The following CANT1 variants were observed in gnomAD, a reference collection of about 807,000 sequenced individuals.
CANT1 encodes soluble calcium-activated nucleotidase 1.
CANT1 carries 26 observed loss-of-function variants against 30.0 expected under a neutral mutation model. The ratio of observed to expected loss-of-function variants is 0.87; its 90% CI spans 0.64 to 1.20. CANT1 has a LOEUF of 1.20. CANT1 is among the 50% of genes most tolerant of loss of function. The pLI, the probability that CANT1 is intolerant of heterozygous loss-of-function variation, is 0.00. For synonymous variants in CANT1, 246 were observed against 251.8 expected, an observed-to-expected ratio of 0.98 and a Z score of 0.22; for missense variants, 518 against 563.0, an observed-to-expected ratio of 0.92 and a Z score of 0.81.
chr17:78,993,950 C>A lies in CANT1; in HGVS notation c.836-30G>T, dbSNP rs578136485. Reference sequence around the variant, plus strand: ...GAACCGGGTGACCGCGGGTCAGACACGCATGCGGCCTGGTGTGCCCAGCCC... The same window carrying A: ...GAACCGGGTGACCGCGGGTCAGACAAGCATGCGGCCTGGTGTGCCCAGCCC... On this transcript the variant is annotated intron_variant, in intron 4 of 4. Transcript: ENST00000392446. The surrounding 1 kb of genome is among the most constrained non-coding windows in gnomAD (Gnocchi z 4.5). 1 of 1,545,440 alleles carries A rather than the reference C, an allele frequency of 6.5e-7. No individual in the cohort carries two copies. The highest frequency in any genetic ancestry group is 1.2e-5 in the South Asian group (1 of 84,568).
chr17:78,994,227 A>G (rs1247493503), intron 4 of CANT1, among the ~76,000 whole-genome samples: 2 of 151,980 alleles, frequency 1.3e-5, no homozygotes, highest in Non-Finnish European at 2.9e-5. Context: ...GAACCCAAGG[A>G]AAGGGAACAA....
At chr17:79,003,017 G>A (rs1213137038) in intron 1 of CANT1, among the ~76,000 whole-genome samples, 1 of 152,190 alleles carries the variant, frequency 6.6e-6, no homozygotes, top group Non-Finnish European at 1.5e-5. Flanking sequence ...CCCCTCTGGG[G>A]AATCAGTGTG....
chr17:78,995,655 C>A lies in CANT1; in HGVS notation c.632-434G>T, dbSNP rs1362182257. 1.3e-5 allele frequency among the ~76,000 whole-genome samples: 2 copies of A among 152,214 alleles called. No homozygotes were observed. The highest frequency in any genetic ancestry group is 2.9e-5 in the Non-Finnish European group (2 of 68,040). On this transcript the variant is annotated intron_variant, in intron 3 of 4. Transcript: ENST00000392446. This position sits in a 1 kb window ranked among gnomAD's most constrained non-coding sequence, Gnocchi z 5.7. The stretch of plus-strand genomic sequence containing the variant: ...GTGCTGGGGCTCCCAGTCTTCCTTT[C>A]AATGGATTTGTTCAGAAGCTGTTTT...
In CANT1 at chr17:78,997,932, A is replaced by C. The variant is rs1274001774; in HGVS notation, c.-115T>G. On this transcript the variant is annotated 5_prime_UTR_variant, in exon 2 of 5. Transcript: ENST00000392446. This position sits in a 1 kb window ranked among gnomAD's most constrained non-coding sequence, Gnocchi z 7.5. ...ACGTGGGAAGCTGAGTGAGGAAGGA[A>C]GTTCCATGCAGGCTGGTGCTCTGTG... 2.7e-6 allele frequency: 1 copy of C among 364,688 alleles called. No homozygotes were observed. The highest frequency in any genetic ancestry group is 2.0e-5 in the African/African-American group (1 of 49,176). 22.6% of individuals were successfully genotyped at this position (364,688 alleles called of 1,614,324 possible).
intron 1 of CANT1, 88 bp downstream of exon 1, chr17:79,009,575 AG>A (rs1210622703): frequency 6.6e-6 from 1 of 152,538 alleles, no homozygotes; most frequent in Non-Finnish European, 1.5e-5. Context: ...GGGACGCGGC[AG>A]GGTCGGAGGG....
rs142062082 is a variant in CANT1, at chr17:78,997,378, G to A, written c.245C>T (p.Ala82Val). The change falls in exon 3 of 5, where the codon GCG (alanine) becomes GTG (valine). Residue 82 changes from alanine (A) to valine (V), a missense_variant. Coordinates refer to ENST00000392446, the MANE Select transcript of CANT1 (RefSeq NM_001159773.2). The surrounding 1 kb of genome is among the most constrained non-coding windows in gnomAD (Gnocchi z 7.5). Reference protein sequence around the residue: ...HNAHNWRLGQAPANWYNDTYP... With the variant: ...HNAHNWRLGQVPANWYNDTYP... ...GGTGTCATTGTACCAGTTGGCGGGC[G>A]CCTGGCCGAGCCTCCAGTTGTGTGC... 5.1e-5 allele frequency: 82 copies of A among 1,613,522 alleles called. No homozygotes were observed. The highest frequency in any genetic ancestry group is 2.6e-4 in the South Asian group (24 of 91,078).
rs1431938015 is a variant in CANT1, at chr17:79,002,347, G to A, written c.-146-4384C>T. Among the ~76,000 whole-genome samples the A allele has an allele frequency of 6.6e-6, 1 of 152,108 alleles. No individual in the cohort carries two copies. The highest frequency in any genetic ancestry group is 1.5e-5 in the Non-Finnish European group (1 of 68,006). The stretch of plus-strand genomic sequence containing the variant: ...GATGGGGTTAGAGAACTGTGCACAG[G>A]GGCTGACTGCTACTGCTTCTCACTC... On this transcript the variant is annotated intron_variant, in intron 1 of 4. Coordinates refer to ENST00000392446, the MANE Select transcript of CANT1 (RefSeq NM_001159773.2). The surrounding 1 kb of genome is among the most constrained non-coding windows in gnomAD (Gnocchi z 4.0).
In CANT1 at chr17:78,995,246, C is replaced by T; in HGVS notation, c.632-25G>A. Reference sequence around the variant, plus strand: ...CCTGGCCAAGCAGAGTGTCCTTAGGCCCCGCACCCAGCTCCCGCCGCACCC... The same window carrying T: ...CCTGGCCAAGCAGAGTGTCCTTAGGTCCCGCACCCAGCTCCCGCCGCACCC... On this transcript the variant is annotated intron_variant, in intron 3 of 4. Coordinates refer to ENST00000392446, the MANE Select transcript of CANT1 (RefSeq NM_001159773.2). This position sits in a 1 kb window ranked among gnomAD's most constrained non-coding sequence, Gnocchi z 5.7. The T allele has an allele frequency of 1.9e-6, 3 of 1,608,014 alleles. No individual in the cohort carries two copies. The highest frequency in any genetic ancestry group is 2.5e-6 in the Non-Finnish European group (3 of 1,178,044).
Position 78,993,517 on chromosome 17 carries a change from C to G in CANT1, c.*33G>C, listed in dbSNP as rs772172979. 3.7e-6 allele frequency: 6 copies of G among 1,614,032 alleles called. No individual in the cohort carries two copies. Among genetic ancestry groups the G allele is most frequent in the Non-Finnish European group, 5.1e-6 (6 of 1,180,010 alleles). ...CCTCTTGTTTTTATAAAAGCTGAGT[C>G]CTGATGGCCTTGCTCAGTGTTTCCG... On this transcript the variant is annotated 3_prime_UTR_variant, in exon 5 of 5. Coordinates refer to ENST00000392446, the MANE Select transcript of CANT1 (RefSeq NM_001159773.2). This position sits in a 1 kb window ranked among gnomAD's most constrained non-coding sequence, Gnocchi z 4.5.
chr17:78,995,238 T>C lies in CANT1; in HGVS notation c.632-17A>G, dbSNP rs759228610. The C allele has an allele frequency of 5.6e-6, 9 of 1,610,404 alleles. No homozygotes were observed. The highest frequency in any genetic ancestry group is 7.6e-6 in the Non-Finnish European group (9 of 1,179,084). ...CCTTGAAGCCTGGCCAAGCAGAGTG[T>C]CCTTAGGCCCCGCACCCAGCTCCCG... On this transcript the variant is annotated splice_polypyrimidine_tract_variant and intron_variant, in intron 3 of 4. Coordinates refer to ENST00000392446, the MANE Select transcript of CANT1 (RefSeq NM_001159773.2). The surrounding 1 kb of genome is among the most constrained non-coding windows in gnomAD (Gnocchi z 5.7).
At position 78,995,599 on chromosome 17, in the gene CANT1, A is replaced by G. The variant is rs1417252742; in HGVS notation, c.632-378T>C. Reference sequence around the variant, plus strand: ...CACACCTGAGGTCTCACCGAGCATCACTCTAACTCCAGTGGCCGGAGAGGG... The same window carrying G: ...CACACCTGAGGTCTCACCGAGCATCGCTCTAACTCCAGTGGCCGGAGAGGG... On this transcript the variant is annotated intron_variant, in intron 3 of 4. Transcript: ENST00000392446. This position sits in a 1 kb window ranked among gnomAD's most constrained non-coding sequence, Gnocchi z 5.7. 1.3e-5 allele frequency among the ~76,000 whole-genome samples: 2 copies of G among 152,088 alleles called. No homozygotes were observed. The highest frequency in any genetic ancestry group is 2.9e-5 in the Non-Finnish European group (2 of 68,006).
Position 78,996,330 on chromosome 17 carries a change from C to G in CANT1, c.631+662G>C, listed in dbSNP as rs2071033580. Among the ~76,000 whole-genome samples the G allele has an allele frequency of 6.6e-6, 1 of 152,162 alleles. No homozygotes were observed. The highest frequency in any genetic ancestry group is 6.5e-5 in the Admixed American group (1 of 15,288). ...GACAAACGGAGCTCAGAGGAGCTGG[C>G]AGCTCCTCTGCCAGCGTCCTTGGCA... On this transcript the variant is annotated intron_variant, in intron 3 of 4. Coordinates refer to ENST00000392446, the MANE Select transcript of CANT1 (RefSeq NM_001159773.2). This position sits in a 1 kb window ranked among gnomAD's most constrained non-coding sequence, Gnocchi z 5.1.
rs2071104510 is a variant in CANT1 at position 78,998,074 on chromosome 17, T to A, written c.-146-111A>T. 1 of 197,944 alleles carries A rather than the reference T, an allele frequency of 5.1e-6. No individual in the cohort carries two copies. The highest frequency in any genetic ancestry group is 1.9e-4 in the South Asian group (1 of 5,396). 12.3% of individuals were successfully genotyped at this position (197,944 alleles called of 1,614,324 possible). ...TGTATTTTACTCAAATGCCACCTCATCCAGGAAGCCCTCCCTGACTGCCCT... is the reference window on the plus strand; with the variant it reads ...TGTATTTTACTCAAATGCCACCTCAACCAGGAAGCCCTCCCTGACTGCCCT... On this transcript the variant is annotated intron_variant, in intron 1 of 4. Transcript: ENST00000392446. This position sits in a 1 kb window ranked among gnomAD's most constrained non-coding sequence, Gnocchi z 4.5.
rs755897928 is a variant in CANT1 at position 78,997,537 on chromosome 17, G to A, written c.86C>T (p.Ala29Val). Residue 29 changes from alanine (A) to valine (V), a missense_variant, in exon 3 of 5, where the codon GCG becomes GTG. Coordinates refer to ENST00000392446, the MANE Select transcript of CANT1 (RefSeq NM_001159773.2). This position sits in a 1 kb window ranked among gnomAD's most constrained non-coding sequence, Gnocchi z 7.5. ...RISVGGLPVL[A>V]SMTKAADPRF... ...GGGGTCCGCGGCCTTGGTCATGGAC[G>A]CCAGCACAGGAAGGCCCCCCACACT... 37 of 1,564,858 alleles carry A rather than the reference G, an allele frequency of 2.4e-5. No individual in the cohort carries two copies. Among genetic ancestry groups the A allele is most frequent in the East Asian group, 4.5e-5 (2 of 44,126 alleles).
intron 1 of CANT1, among the ~76,000 whole-genome samples, chr17:79,005,167 A>T: frequency 2.6e-5 from 1 of 38,496 alleles, no homozygotes; most frequent in East Asian, 1.6e-3. Flanking sequence ...AGAGGAGTTA[A>T]GGAGAGGGGA....
chr17:78,993,929 CG>C lies in CANT1; in HGVS notation c.836-10del. 6.4e-7 allele frequency: 1 copy of C among 1,562,466 alleles called. No homozygotes were observed. Among genetic ancestry groups the C allele is most frequent in the Non-Finnish European group, 8.6e-7 (1 of 1,161,786 alleles). ...CTCATGGATGAGGTAGCCTGGGAAC[CG>C]GGTGACCGCGGGTCAGACACGCATG... is the stretch of plus-strand genomic sequence containing the variant. On this transcript the variant is annotated splice_polypyrimidine_tract_variant and intron_variant, in intron 4 of 4. Coordinates refer to ENST00000392446, the MANE Select transcript of CANT1 (RefSeq NM_001159773.2). The surrounding 1 kb of genome is among the most constrained non-coding windows in gnomAD (Gnocchi z 4.5).
intron 1 of CANT1, among the ~76,000 whole-genome samples, chr17:78,999,298 C>A (rs1431634356): frequency 1.3e-5 from 2 of 152,174 alleles, no homozygotes; most frequent in Non-Finnish European, 2.9e-5. Flanking sequence ...CTGAGGTGGT[C>A]ACAGGGCTGA....
rs35324359 is a variant in CANT1, at chr17:78,993,622, C to G, written c.1134G>C (p.Thr378=). Residue 378 remains threonine, a synonymous_variant, in exon 5 of 5, where the codon ACG becomes ACC. Transcript: ENST00000392446. This position sits in a 1 kb window ranked among gnomAD's most constrained non-coding sequence, Gnocchi z 4.5. The part of the protein sequence containing the change: ...GRVASYIMAF[T]LDGRFLLPET... ...CCGGCAACAGGAAGCGCCCGTCCAG[C>G]GTGAAGGCCATGATGTAGGAGGCGA... 6.2e-7 allele frequency: 1 copy of G among 1,614,262 alleles called. No individual in the cohort carries two copies. The highest frequency in any genetic ancestry group is 8.5e-7 in the Non-Finnish European group (1 of 1,180,056).
chr17:79,002,359 A>C lies in CANT1; in HGVS notation c.-146-4396T>G, dbSNP rs148790645. 2.9e-4 allele frequency among the ~76,000 whole-genome samples: 44 copies of C among 152,252 alleles called. 1 individual carries two copies. In the East Asian group the frequency reaches 7.0e-3, roughly 24 times the overall value. On this transcript the variant is annotated intron_variant, in intron 1 of 4. Coordinates refer to ENST00000392446, the MANE Select transcript of CANT1 (RefSeq NM_001159773.2). This position sits in a 1 kb window ranked among gnomAD's most constrained non-coding sequence, Gnocchi z 4.0. Reference sequence around the variant, plus strand: ...GAACTGTGCACAGGGGCTGACTGCTACTGCTTCTCACTCACTCTACAAGTA... The same window carrying C: ...GAACTGTGCACAGGGGCTGACTGCTCCTGCTTCTCACTCACTCTACAAGTA...
Sources: gnomAD v4.1 joint callset for allele counts (sites outside exome capture counted in the v4.1 genomes callset) on GRCh38, gnomAD v4.1.1 for gene constraint, Gnocchi (gnomAD v3.1) non-coding constraint, MANE v1.5 for transcripts, NCBI Gene and HGNC (gene_info 2026-07-23, HGNC 2026-07-21) for gene names.